SYN3: variants seen among roughly 807,000 people sequenced by gnomAD.
SYN3 encodes synapsin III.
SYN3 carries 35 observed loss-of-function variants against 65.8 expected under a neutral mutation model. The ratio of observed to expected loss-of-function variants is 0.53; its 90% CI spans 0.41 to 0.70. SYN3 has a LOEUF of 0.70. Among genes scored for constraint, SYN3 ranks in the 30% least tolerant of loss-of-function variants. The pLI is 0.00. For synonymous variants in SYN3, 270 were observed against 292.9 expected (o/e 0.92, Z 0.80); for missense variants, 680 against 749.0 (o/e 0.91, Z 1.08).
chr22:32,823,366 G>C (rs1012924507), intron 6 of SYN3, among the ~76,000 whole-genome samples: 2 of 152,152 alleles, frequency 1.3e-5, no homozygotes, highest in Non-Finnish European at 2.9e-5. Flanking sequence ...TCTGTTGGGA[G>C]CTGTGAGTGG....
chr22:32,566,873 A>T (rs1372429837), intron 7 of SYN3, among the ~76,000 whole-genome samples: 3 of 152,204 alleles, frequency 2.0e-5, no homozygotes, highest in Non-Finnish European at 4.4e-5. Context: ...AGAAACGGAC[A>T]GGTAGCCAAG....
chr22:33,046,832 G>GT (rs1295238722), intron 1 of SYN3, among the ~76,000 whole-genome samples: 19 of 112,256 alleles, frequency 1.7e-4, no homozygotes, highest in Non-Finnish European at 1.7e-5. Context: ...AACAGAGCAA[G>GT]TCTCTGTTTA....
At chr22:32,751,996 G>T (rs1476364231) in intron 6 of SYN3, among the ~76,000 whole-genome samples, 1 of 152,182 alleles carries the variant, frequency 6.6e-6, no homozygotes, top group Admixed American at 6.5e-5. Flanking sequence ...TAGGTTGTTC[G>T]TTTATTATCT....
chr22:32,893,165 C>G (rs905455210), intron 4 of SYN3, among the ~76,000 whole-genome samples: 4 of 152,204 alleles, frequency 2.6e-5, no homozygotes, highest in Admixed American at 6.5e-5. Flanking sequence ...TCTGACCCTT[C>G]TTCATCTGCA....
intron 3 of SYN3, among the ~76,000 whole-genome samples, chr22:32,932,240 C>A (rs1043931558): frequency 1.5e-5 from 2 of 131,814 alleles, no homozygotes; most frequent in African/African-American, 5.5e-5. Context: ...CACCCCCCAC[C>A]CTGGTCATAT....
chr22:32,916,315 G>A (rs529410884), intron 4 of SYN3, among the ~76,000 whole-genome samples: 1 of 152,292 alleles, frequency 6.6e-6, no homozygotes, highest in African/African-American at 2.4e-5. Flanking sequence ...AAATAAAATG[G>A]TTGTGGGTTT....
chr22:32,900,946 G>C (rs2049743009), intron 4 of SYN3, among the ~76,000 whole-genome samples: 1 of 152,338 alleles, frequency 6.6e-6, no homozygotes, highest in South Asian at 2.1e-4. Flanking sequence ...TTGGTTTACT[G>C]ATGCAGCAAC....
At chr22:32,902,934 G>C (rs949730639) in intron 4 of SYN3, among the ~76,000 whole-genome samples, 3 of 151,732 alleles carry the variant, frequency 2.0e-5, no homozygotes, top group Admixed American at 6.6e-5. Context: ...CTGAGGTTTA[G>C]AGCAGTTAAT....
chr22:32,874,986 A>G (rs984940629), intron 4 of SYN3, among the ~76,000 whole-genome samples: 2 of 152,234 alleles, frequency 1.3e-5, no homozygotes, highest in African/African-American at 4.8e-5. Flanking sequence ...TTAGGGTACC[A>G]CTATTCTGCA....
chr22:32,716,748 C>T (rs1489934823), intron 6 of SYN3, among the ~76,000 whole-genome samples: 1 of 152,124 alleles, frequency 6.6e-6, no homozygotes, highest in Non-Finnish European at 1.5e-5. Context: ...GTCTCGAATT[C>T]CTGAGCTCAA....
intron 4 of SYN3, among the ~76,000 whole-genome samples, chr22:32,892,528 G>A (rs946521135): frequency 6.6e-6 from 1 of 152,224 alleles, no homozygotes; most frequent in Non-Finnish European, 1.5e-5. Flanking sequence ...TGAAGGAAAC[G>A]AGACTCTAAG....
rs10602672 is a variant in SYN3 at position 32,965,543 on chromosome 22, CGTGTGTGTGTGT to C, written c.369+15090_369+15101del. Among the ~76,000 whole-genome samples the C allele has an allele frequency of 4.5e-4, 66 of 147,356 alleles. No homozygotes were observed. In the East Asian group the frequency reaches 0.011, roughly 24 times the overall value. ...TAACAGTTTGTAATTATGGTGCGTA[CGTGTGTGTGTGT>C]GTGTGTGTGTGTGTGTGTGTGCATG... On this transcript the variant is annotated intron_variant, in intron 3 of 13. Transcript: ENST00000358763.
intron 4 of SYN3, among the ~76,000 whole-genome samples, chr22:32,918,228 A>G (rs2050238684): frequency 6.6e-6 from 1 of 152,254 alleles, no homozygotes; most frequent in Non-Finnish European, 1.5e-5. Flanking sequence ...ACAATTCGGA[A>G]AAACAGCTTA....
intron 2 of SYN3, among the ~76,000 whole-genome samples, 172 bp from the exon 3 acceptor site, chr22:32,980,874 G>A (rs2052352333): frequency 6.7e-6 from 1 of 149,836 alleles, no homozygotes; most frequent in African/African-American, 2.5e-5. Flanking sequence ...TTTCTTTTGA[G>A]ACGGAGTTTC....
chr22:33,025,574 C>A (rs556072680), intron 1 of SYN3, among the ~76,000 whole-genome samples: 126 of 151,060 alleles, frequency 8.3e-4, no homozygotes, highest in African/African-American at 3.0e-3. Context: ...GCCGAGGCTG[C>A]AGTGAGCTGA....
chr22:32,700,402 A>G (rs147604560), intron 6 of SYN3, among the ~76,000 whole-genome samples: 2 of 152,304 alleles, frequency 1.3e-5, no homozygotes, highest in East Asian at 1.9e-4. Context: ...ATACGGCCCT[A>G]TTGTAAACAA....
At chr22:32,880,358 G>T (rs1048716107) in intron 4 of SYN3, among the ~76,000 whole-genome samples, 1 of 152,186 alleles carries the variant, frequency 6.6e-6, no homozygotes, top group Non-Finnish European at 1.5e-5. Flanking sequence ...GGTGACGGTG[G>T]TAGCTCAAGG....
chr22:32,950,280 T>C (rs983695008), intron 3 of SYN3, among the ~76,000 whole-genome samples: 1 of 152,150 alleles, frequency 6.6e-6, no homozygotes, highest in East Asian at 1.9e-4. Flanking sequence ...GTCTGTTCCA[T>C]AAGGTTTTTC....
intron 6 of SYN3, among the ~76,000 whole-genome samples, chr22:32,627,069 C>T (rs1166664848): frequency 2.0e-5 from 3 of 152,062 alleles, no homozygotes; most frequent in South Asian, 2.1e-4. Flanking sequence ...GCTGGGGCGT[C>T]GAGGGGTAGC....
Sources: allele counts gnomAD v4.1 joint callset (sites outside exome capture counted in the v4.1 genomes callset), GRCh38; gene constraint gnomAD v4.1.1; transcripts MANE v1.5; gene names NCBI Gene and HGNC (gene_info 2026-07-23, HGNC 2026-07-21).